CLYBL: variants seen among roughly 807,000 people sequenced by gnomAD.
CLYBL encodes citramalyl-CoA lyase.
In CLYBL, 31 loss-of-function variants were observed where a neutral mutation model predicts 38.9. The ratio of observed to expected loss-of-function variants is 0.80; its 90% CI spans 0.60 to 1.08. The LOEUF is 1.08. Ranked by LOEUF, CLYBL falls within the 50% of genes least tolerant of loss-of-function variation. CLYBL has a pLI of 0.00. For synonymous variants in CLYBL, 171 were observed against 158.6 expected (o/e 1.08, Z -0.59); for missense variants, 434 against 411.6 (o/e 1.05, Z -0.47).
intron 1 of CLYBL, among the ~76,000 whole-genome samples, chr13:99,757,517 A>G (rs2049086751): frequency 6.6e-6 from 1 of 152,102 alleles, no homozygotes; most frequent in Non-Finnish European, 1.5e-5. Flanking sequence ...GTGCAGTGGC[A>G]TGATCTCGGC....
chr13:99,618,225 G>A (rs765953973), intron 1 of CLYBL, among the ~76,000 whole-genome samples: 1 of 151,938 alleles, frequency 6.6e-6, no homozygotes, highest in Non-Finnish European at 1.5e-5. Flanking sequence ...AGATTTAGTG[G>A]ATTTTTTTTC....
intron 1 of CLYBL, among the ~76,000 whole-genome samples, chr13:99,745,812 A>G (rs2048840109): frequency 6.6e-6 from 1 of 152,042 alleles, no homozygotes; most frequent in Non-Finnish European, 1.5e-5. Flanking sequence ...AAAATTATTC[A>G]GTGCTAGAGA....
At chr13:99,798,966 C>T (rs531312941) in intron 2 of CLYBL, among the ~76,000 whole-genome samples, 7 of 152,246 alleles carry the variant, frequency 4.6e-5, no homozygotes, top group East Asian at 1.9e-4. Flanking sequence ...AGGGACTCTT[C>T]GTGGATTAGC....
chr13:99,663,067 G>A (rs2047432343), intron 1 of CLYBL, among the ~76,000 whole-genome samples: 1 of 152,186 alleles, frequency 6.6e-6, no homozygotes, highest in Admixed American at 6.5e-5. Context: ...ATGAATTGTG[G>A]CTTTGAAATA....
intron 1 of CLYBL, among the ~76,000 whole-genome samples, chr13:99,635,204 C>T (rs765590775): frequency 3.9e-5 from 6 of 151,940 alleles, no homozygotes; most frequent in South Asian, 2.1e-4. Flanking sequence ...ATTAGGTCTT[C>T]GTAATGAAAT....
At chr13:99,759,370 G>T (rs1202906864) in intron 1 of CLYBL, among the ~76,000 whole-genome samples, 2 of 152,202 alleles carry the variant, frequency 1.3e-5, no homozygotes, top group African/African-American at 4.8e-5. Context: ...GGATGGCAAA[G>T]GAGAGAGGGA....
At chr13:99,699,211 C>T (rs4772233) in intron 1 of CLYBL, among the ~76,000 whole-genome samples, 39,289 of 151,710 alleles carry the variant, frequency 0.26, 6,076 homozygotes, top group East Asian at 0.54. Flanking sequence ...CATGGAGAAA[C>T]CCCGTCTCTA....
At chr13:99,768,747 G>T (rs557944060) in intron 1 of CLYBL, among the ~76,000 whole-genome samples, 1 of 151,106 alleles carries the variant, frequency 6.6e-6, no homozygotes, top group African/African-American at 2.4e-5. Context: ...TCTGACCTCG[G>T]GTGATTCCCC....
intron 4 of CLYBL, among the ~76,000 whole-genome samples, chr13:99,863,952 G>A (rs565437536): frequency 2.0e-5 from 3 of 152,264 alleles, no homozygotes; most frequent in East Asian, 3.9e-4. Flanking sequence ...AGAAGGGGTC[G>A]AGTGCAAATG....
chr13:99,857,971 G>A (rs1293733780), intron 2 of CLYBL, among the ~76,000 whole-genome samples: 1 of 152,166 alleles, frequency 6.6e-6, no homozygotes, highest in Non-Finnish European at 1.5e-5. Context: ...GTTGGCTTTT[G>A]AAACTGAAAT....
chr13:99,721,364 T>C (rs1229474856), intron 1 of CLYBL, among the ~76,000 whole-genome samples: 1 of 152,032 alleles, frequency 6.6e-6, no homozygotes, highest in East Asian at 1.9e-4. Flanking sequence ...TTATTGGCCA[T>C]ATGTAATCTA....
intron 2 of CLYBL, among the ~76,000 whole-genome samples, chr13:99,851,243 T>C (rs1298535028): frequency 6.6e-6 from 1 of 151,844 alleles, no homozygotes; most frequent in Non-Finnish European, 1.5e-5. Context: ...GGTGGATGCC[T>C]GTAATCCCAG....
At chr13:99,768,110 T>G (rs75596844) in intron 1 of CLYBL, among the ~76,000 whole-genome samples, 2,516 of 152,176 alleles carry the variant, frequency 0.017, 83 homozygotes, top group African/African-American at 0.057. Flanking sequence ...TTTACTTATT[T>G]GATGGTTGTA....
chr13:99,619,711 C>T (rs2139198383), intron 1 of CLYBL, among the ~76,000 whole-genome samples: 1 of 152,260 alleles, frequency 6.6e-6, no homozygotes, highest in South Asian at 2.1e-4. Context: ...TTGTTCAAGG[C>T]CCTTATCTAG....
intron 1 of CLYBL, among the ~76,000 whole-genome samples, chr13:99,613,776 T>A (rs2046665761): frequency 6.6e-6 from 1 of 152,232 alleles, no homozygotes; most frequent in Non-Finnish European, 1.5e-5. Flanking sequence ...TGAACTGGTA[T>A]TAAAAGGCCA....
chr13:99,822,521 A>G (rs12232034), intron 2 of CLYBL, among the ~76,000 whole-genome samples: 29,632 of 152,234 alleles, frequency 0.19, 3,341 homozygotes, highest in East Asian at 0.46. Flanking sequence ...AAGATCAAGC[A>G]CAACACAATC....
chr13:99,692,211 C>T (rs1363567397), intron 1 of CLYBL, among the ~76,000 whole-genome samples: 2 of 152,164 alleles, frequency 1.3e-5, no homozygotes, highest in Non-Finnish European at 2.9e-5. Flanking sequence ...CCACACTGAC[C>T]TCCCATTGCA....
intron 1 of CLYBL, among the ~76,000 whole-genome samples, chr13:99,701,675 TTTA>T (rs1247052562): frequency 6.6e-6 from 1 of 151,946 alleles, no homozygotes; most frequent in Non-Finnish European, 1.5e-5. Context: ...ATTTATTTAT[TTTA>T]TTATTATTAT....
At chr13:99,745,205 G>T (rs1415612749) in intron 1 of CLYBL, among the ~76,000 whole-genome samples, 2 of 152,170 alleles carry the variant, frequency 1.3e-5, no homozygotes, top group Non-Finnish European at 2.9e-5. Flanking sequence ...TCTTGCCATT[G>T]TTACAGAAAA....
Sources: allele counts gnomAD v4.1 joint callset (sites outside exome capture counted in the v4.1 genomes callset), GRCh38; gene constraint gnomAD v4.1.1; transcripts MANE v1.5; gene names NCBI Gene and HGNC (gene_info 2026-07-23, HGNC 2026-07-21).